Variants in GUCY2C observed in about 807,000 individuals in gnomAD.
GUCY2C encodes the protein guanylyl cyclase C.
Under a neutral mutation model 131.1 loss-of-function variants are expected in GUCY2C, and 118 were observed. The observed-to-expected ratio is 0.90, with a 90% CI of 0.78 to 1.05. The LOEUF (loss-of-function observed/expected upper bound fraction) is 1.05, where lower values mean the gene tolerates loss of function less well. Ranked by LOEUF, GUCY2C falls within the 50% of genes least tolerant of loss-of-function variation. GUCY2C has a pLI of 0.00. For missense variants in GUCY2C, 1,161 were observed against 1,304.4 expected (o/e 0.89, Z 1.69); for synonymous variants, 452 against 457.8 (o/e 0.99, Z 0.16).
At chr12:14,639,299 C>CAA (rs34629608) in intron 19 of GUCY2C, among the ~76,000 whole-genome samples, 812 of 77,086 alleles carry the variant, frequency 0.011, 6 homozygotes, top group Non-Finnish European at 0.014. Context: ...GACTCCGTCT[C>CAA]AAAAAAAAAA....
intron 16 of GUCY2C, among the ~76,000 whole-genome samples, chr12:14,644,896 T>G (rs1947488032): frequency 6.6e-6 from 1 of 151,932 alleles, no homozygotes; most frequent in Non-Finnish European, 1.5e-5. Context: ...CTTGAGCCAC[T>G]GCGCCCAGCC....
chr12:14,621,810 A>G (rs535094853), intron 22 of GUCY2C, among the ~76,000 whole-genome samples, 195 bp downstream of exon 22: 26 of 152,124 alleles, frequency 1.7e-4, no homozygotes, highest in Admixed American at 3.9e-4. Flanking sequence ...GCTGCTTCTT[A>G]AAGTTGAATG....
rs747542148 is a variant in GUCY2C, at chr12:14,687,988, C to G, written c.293G>C (p.Ser98Thr). 1 of 1,613,306 alleles carries G rather than the reference C, an allele frequency of 6.2e-7. No homozygotes were observed. Among genetic ancestry groups the G allele is most frequent in the Non-Finnish European group, 8.5e-7 (1 of 1,179,242 alleles). The change falls in exon 2 of 27, where the codon AGC (serine) becomes ACC (threonine). Residue 98 changes from serine (S) to threonine (T), a missense_variant. Ser to Thr is a moderately conservative substitution (Grantham distance 58, BLOSUM62 1). Coordinates refer to ENST00000261170, the MANE Select transcript of GUCY2C (RefSeq NM_004963.4). ...GAGTAGGTCGAGGCCTTCACAGGTG[C>G]TACTCCGGCAGTCGCCTGAGTTATG... is the stretch of plus-strand genomic sequence containing the variant. ...LIHNSGDCRS[S>T]TCEGLDLLRK...
intron 16 of GUCY2C, 76 bp downstream of exon 16, chr12:14,645,153 C>T (rs1448108605): frequency 7.5e-6 from 6 of 797,814 alleles, no homozygotes; most frequent in Non-Finnish European, 1.1e-5. Flanking sequence ...AACCAATGCA[C>T]AGAAGGTTGA....
intron 11 of GUCY2C, among the ~76,000 whole-genome samples, chr12:14,659,752 GT>G (rs1476650230): frequency 6.6e-6 from 1 of 152,128 alleles, no homozygotes; most frequent in East Asian, 1.9e-4. Context: ...TTCTTAAATG[GT>G]TTGCTAGTTT....
intron 21 of GUCY2C, among the ~76,000 whole-genome samples, chr12:14,624,635 G>A (rs1946968693): frequency 6.6e-6 from 1 of 152,120 alleles, no homozygotes; most frequent in Admixed American, 6.5e-5. Context: ...GCTCATGCAT[G>A]TTTTAGTTTT....
intron 26 of GUCY2C, among the ~76,000 whole-genome samples, chr12:14,614,012 C>T (rs530661357): frequency 3.2e-4 from 48 of 152,166 alleles, no homozygotes; most frequent in African/African-American, 9.2e-4. Flanking sequence ...GACCCAGAAC[C>T]GCAGTCTTGG....
intron 19 of GUCY2C, among the ~76,000 whole-genome samples, chr12:14,632,014 CT>C (rs1219273587): frequency 7.9e-5 from 12 of 151,954 alleles, no homozygotes; most frequent in African/African-American, 2.4e-4. Context: ...TGTTTTTTGG[CT>C]GCATAAATGT....
intron 13 of GUCY2C, 84 bp downstream of exon 13, chr12:14,652,868 C>T: frequency 1.1e-6 from 1 of 883,608 alleles, no homozygotes; most frequent in Non-Finnish European, 1.9e-6. Context: ...CATTGTGATA[C>T]TGACATCAGG....
chr12:14,625,720 G>T (rs1394776353), intron 21 of GUCY2C, 37 bp downstream of exon 21: 8 of 1,602,040 alleles, frequency 5.0e-6, no homozygotes, highest in Non-Finnish European at 6.8e-6. Flanking sequence ...CAATGCTAGA[G>T]GGATTTCAGC....
Position 14,676,968 on chromosome 12 carries a change from G to A in GUCY2C, c.834C>T (p.Asp278=). Reference sequence around the variant, plus strand: ...CTGTGACATTGTCCTCAAAGTACTGGTCACTGTAATAAAAAGCACAGGTTC... The same window carrying A: ...CTGTGACATTGTCCTCAAAGTACTGATCACTGTAATAAAAAGCACAGGTTC... ...IVIILVDLFN[D]QYFEDNVTAP... is the part of the protein sequence containing the mutation. The change falls in exon 7 of 27, where the codon GAC becomes GAT. Residue 278 remains aspartate (D), a synonymous_variant. Transcript: ENST00000261170. 8.0e-7 allele frequency: 1 copy of A among 1,244,290 alleles called. No homozygotes were observed. Among genetic ancestry groups the A allele is most frequent in the Non-Finnish European group, 1.1e-6 (1 of 879,346 alleles). The allele number at this position is 1,244,290 out of a possible 1,614,324, so 77.1% of individuals were successfully genotyped here.
At chr12:14,641,394 G>A (rs184578142) in intron 17 of GUCY2C, among the ~76,000 whole-genome samples, 175 bp from the exon 18 acceptor site, 4 of 152,064 alleles carry the variant, frequency 2.6e-5, no homozygotes, top group Non-Finnish European at 4.4e-5. Flanking sequence ...GCTAATCCTG[G>A]TGATCAAAGG....
At chr12:14,646,040 T>C (rs1947516664) in intron 15 of GUCY2C, among the ~76,000 whole-genome samples, 1 of 152,116 alleles carries the variant, frequency 6.6e-6, no homozygotes, top group African/African-American at 2.4e-5. Context: ...TTCGCTACGT[T>C]GGCCAGGCTG....
At chr12:14,618,705 G>A (rs1001124128) in intron 24 of GUCY2C, among the ~76,000 whole-genome samples, 95 of 152,242 alleles carry the variant, frequency 6.2e-4, no homozygotes, top group African/African-American at 2.2e-3. Context: ...GGAGGATGAG[G>A]TGGGAGGATC....
At chr12:14,681,978 T>C (rs935799521) in intron 4 of GUCY2C, among the ~76,000 whole-genome samples, 4 of 152,158 alleles carry the variant, frequency 2.6e-5, no homozygotes, top group African/African-American at 9.7e-5. Context: ...CATTAGATAC[T>C]GTGGGTTGAT....
At chr12:14,692,679 C>CG (rs1395971827) in intron 1 of GUCY2C, among the ~76,000 whole-genome samples, 1 of 152,130 alleles carries the variant, frequency 6.6e-6, no homozygotes. Flanking sequence ...GAAACCCCGT[C>CG]TCTACTAAAA....
chr12:14,691,995 T>G (rs1167145653), intron 1 of GUCY2C, among the ~76,000 whole-genome samples: 1 of 152,174 alleles, frequency 6.6e-6, no homozygotes, highest in East Asian at 1.9e-4. Context: ...ATTAACTTGT[T>G]TAAGGCTACA....
chr12:14,687,622 AAAAC>A (rs978289307), intron 2 of GUCY2C, among the ~76,000 whole-genome samples: 8 of 152,192 alleles, frequency 5.3e-5, no homozygotes, highest in East Asian at 3.9e-4. Flanking sequence ...CCTGTCTCAA[AAAAC>A]AAACAAACAA....
At chr12:14,645,146 C>T (rs1947494624) in intron 16 of GUCY2C, 83 bp downstream of exon 16, 1 of 746,502 alleles carries the variant, frequency 1.3e-6, no homozygotes, top group East Asian at 2.5e-5. Context: ...ATGAAGAAAC[C>T]AATGCACAGA....
Sources: allele counts gnomAD v4.1 joint callset (sites outside exome capture counted in the v4.1 genomes callset), GRCh38; gene constraint gnomAD v4.1.1; transcripts MANE v1.5; gene names NCBI Gene and HGNC (gene_info 2026-07-23, HGNC 2026-07-21).